Variants in GAB1 observed in about 807,000 individuals in gnomAD.
The protein encoded by GAB1 is GRB2 associated binding protein 1.
A neutral mutation model predicts 66.5 loss-of-function variants in GAB1; 19 were observed. The observed-to-expected ratio is 0.29, with a 90% CI of 0.20 to 0.42. The LOEUF is 0.42. Ranked by LOEUF, GAB1 falls within the 10% of genes least tolerant of loss-of-function variation. The probability of loss-of-function intolerance (pLI) is 1.00; values close to 1 mark genes in which losing one functional copy is unlikely to be tolerated. For missense variants in GAB1, 732 were observed against 858.5 expected (o/e 0.85, Z 1.84); for synonymous variants, 294 against 301.4 (o/e 0.98, Z 0.25).
chr4:143,391,476 C>G (rs979441286), intron 1 of GAB1: 1 of 152,186 alleles, frequency 6.6e-6, no homozygotes, highest in Non-Finnish European at 1.5e-5. Flanking sequence ...AGGCTTACTA[C>G]AGTTAGATAA....
chr4:143,446,510 A>G, intron 6 of GAB1, among the ~76,000 whole-genome samples: 1 of 151,348 alleles, frequency 6.6e-6, no homozygotes, highest in South Asian at 2.1e-4. Context: ...ATGGTATCTC[A>G]TTGTGGTTTT....
intron 6 of GAB1, among the ~76,000 whole-genome samples, chr4:143,458,682 CTT>C (rs1355448542): frequency 6.6e-6 from 1 of 151,854 alleles, no homozygotes; most frequent in Admixed American, 6.6e-5. Context: ...ATAAAGATCA[CTT>C]ATAAATGAAA....
intron 1 of GAB1, among the ~76,000 whole-genome samples, chr4:143,338,284 T>C (rs1419662533): frequency 6.6e-6 from 1 of 152,220 alleles, no homozygotes; most frequent in African/African-American, 2.4e-5. Context: ...ATTTTTCTAG[T>C]AAAATGTGTT....
chr4:143,450,900 A>C (rs1007486449), intron 6 of GAB1, among the ~76,000 whole-genome samples: 5 of 152,144 alleles, frequency 3.3e-5, no homozygotes, highest in Admixed American at 3.3e-4. Context: ...CAAAAAAAAA[A>C]AACAAAAAAT....
At chr4:143,466,636 C>T (rs185914719) in intron 9 of GAB1, among the ~76,000 whole-genome samples, 35 of 151,562 alleles carry the variant, frequency 2.3e-4, no homozygotes, top group Admixed American at 9.2e-4. Context: ...ATTACAGATG[C>T]GCGCCACCAC....
At chr4:143,468,208 C>CTTTTTTTTTTTTT (rs780138131) in intron 9 of GAB1, among the ~76,000 whole-genome samples, 2 of 70,066 alleles carry the variant, frequency 2.9e-5, no homozygotes, top group African/African-American at 5.6e-5. Flanking sequence ...AGTTTGAATT[C>CTTTTTTTTTTTTT]TTTTTTTTTT....
intron 1 of GAB1, among the ~76,000 whole-genome samples, chr4:143,382,457 T>C (rs1431078542): frequency 6.6e-6 from 1 of 152,240 alleles, no homozygotes; most frequent in East Asian, 1.9e-4. Flanking sequence ...TCTGCTTTGC[T>C]TTTGTATTTG....
At chr4:143,410,564 A>G (rs1035633073) in intron 1 of GAB1, among the ~76,000 whole-genome samples, 3 of 152,230 alleles carry the variant, frequency 2.0e-5, no homozygotes, top group Admixed American at 2.0e-4. Flanking sequence ...ACCTAGCTTC[A>G]GTGTGACAGT....
intron 1 of GAB1, among the ~76,000 whole-genome samples, chr4:143,390,871 A>G (rs1731155647): frequency 6.6e-6 from 1 of 152,146 alleles, no homozygotes; most frequent in Non-Finnish European, 1.5e-5. Flanking sequence ...GATAGGTCGC[A>G]GGTATGTCTG....
At position 143,438,284 on chromosome 4, in the gene GAB1, A is replaced by G; in HGVS notation, c.879A>G (p.Thr293=). The G allele has an allele frequency of 6.2e-7, 1 of 1,614,060 alleles. No homozygotes were observed. The highest frequency in any genetic ancestry group is 8.5e-7 in the Non-Finnish European group (1 of 1,179,922). ...ELYVFNTPSG[T]SSVETQMRHV... is the part of the protein sequence containing the mutation. ...ATGTTTTTAATACCCCATCTGGGAC[A>G]TCGAGTGTAGAGACTCAAATGAGGC... Residue 293 remains threonine, a synonymous_variant, in exon 4 of 10, where the codon ACA becomes ACG. Transcript: ENST00000262994.
At position 143,460,405 on chromosome 4, in the gene GAB1, A is replaced by G; in HGVS notation, c.1721A>G (p.His574Arg). Residue 574 changes from histidine to arginine, a missense_variant, in exon 8 of 10, where the codon CAT (histidine) becomes CGT (arginine). His to Arg is a conservative substitution (Grantham distance 29). Around this residue, in one of 4 missense-constraint regions of GAB1, gnomAD observed 204 missense variants for 276.8 expected, o/e 0.74. Coordinates refer to ENST00000262994, the MANE Select transcript of GAB1 (RefSeq NM_002039.4). The part of the protein sequence containing the change: ...FPMSPRPDSV[H>R]STTSSSDSHD... ...ATGTCCCCCCGACCAGATTCAGTGCATAGCACAACTTCAAGCAGTGACTCA... is the reference window on the plus strand; with the variant it reads ...ATGTCCCCCCGACCAGATTCAGTGCGTAGCACAACTTCAAGCAGTGACTCA... 1.9e-6 allele frequency: 3 copies of G among 1,613,664 alleles called. No homozygotes were observed. Among genetic ancestry groups the G allele is most frequent in the Non-Finnish European group, 1.7e-6 (2 of 1,179,646 alleles).
intron 1 of GAB1, among the ~76,000 whole-genome samples, chr4:143,411,260 A>G (rs970619617): frequency 1.8e-4 from 27 of 152,154 alleles, no homozygotes; most frequent in African/African-American, 6.5e-4. Flanking sequence ...AGAATTTGGT[A>G]CTTTTAAGTT....
rs114971719 is a variant in GAB1, at chr4:143,338,896, A to G, written c.72+1636A>G. The stretch of plus-strand genomic sequence containing the variant: ...ATTCATTCTTTCACATGGTTAGTTC[A>G]TGGCTCACTCAAAAGACGCCAGGCA... On this transcript the variant is annotated intron_variant, in intron 1 of 9. Transcript: ENST00000262994. Among the ~76,000 whole-genome samples the G allele has an allele frequency of 2.5e-3, 384 of 152,352 alleles. 3 individuals carry two copies. The highest frequency in any genetic ancestry group is 8.6e-3 in the African/African-American group (358 of 41,588).
chr4:143,370,746 T>C (rs1401723871), intron 1 of GAB1, among the ~76,000 whole-genome samples: 1 of 152,194 alleles, frequency 6.6e-6, no homozygotes, highest in Non-Finnish European at 1.5e-5. Context: ...CCCTGCCCTG[T>C]GTCCACATGT....
At chr4:143,456,228 C>A (rs990924720) in intron 6 of GAB1, among the ~76,000 whole-genome samples, 8 of 152,098 alleles carry the variant, frequency 5.3e-5, no homozygotes, top group Non-Finnish European at 8.8e-5. Flanking sequence ...GAGGCCAAGG[C>A]GGGTGGATCA....
chr4:143,401,997 T>G (rs1161065150), intron 1 of GAB1, among the ~76,000 whole-genome samples: 1 of 152,140 alleles, frequency 6.6e-6, no homozygotes, highest in Non-Finnish European at 1.5e-5. Flanking sequence ...CACAGTACTT[T>G]AAGAGGCACA....
At chr4:143,449,301 T>C (rs972909189) in intron 6 of GAB1, among the ~76,000 whole-genome samples, 1 of 151,790 alleles carries the variant, frequency 6.6e-6, no homozygotes, top group Non-Finnish European at 1.5e-5. Context: ...AGATGTCTAT[T>C]AGGTCCGCTT....
At chr4:143,352,238 G>A (rs888625018) in intron 1 of GAB1, among the ~76,000 whole-genome samples, 43 of 152,298 alleles carry the variant, frequency 2.8e-4, no homozygotes, top group African/African-American at 9.6e-4. Flanking sequence ...AAGCCACCCA[G>A]CTTGTTTACT....
chr4:143,399,076 T>C (rs1467452554), intron 1 of GAB1, among the ~76,000 whole-genome samples: 1 of 152,202 alleles, frequency 6.6e-6, no homozygotes, highest in Non-Finnish European at 1.5e-5. Flanking sequence ...GTTCTTTGAT[T>C]TTGAAATACT....
Sources: gnomAD v4.1 joint callset for allele counts (sites outside exome capture counted in the v4.1 genomes callset) on GRCh38, gnomAD v4.1.1 for gene constraint, gnomAD v4.1.1 regional missense constraint, MANE v1.5 for transcripts, NCBI Gene and HGNC (gene_info 2026-07-23, HGNC 2026-07-21) for gene names.